FTO: variants seen among roughly 807,000 people sequenced by gnomAD.
FTO encodes alpha-ketoglutarate-dependent dioxygenase FTO.
A neutral mutation model predicts 63.9 loss-of-function variants in FTO; 47 were observed. That is an observed-to-expected ratio of 0.74 (90% confidence interval 0.58 to 0.94). The LOEUF is 0.94. Among genes scored for constraint, FTO ranks in the 40% least tolerant of loss-of-function variants. The pLI is 0.00. For missense variants in FTO, 562 were observed against 618.1 expected, an observed-to-expected ratio of 0.91 and a Z score of 0.96; for synonymous variants, 207 against 224.4, an observed-to-expected ratio of 0.92 and a Z score of 0.69.
chr16:54,059,421 A>G (rs1335972179), intron 8 of FTO, among the ~76,000 whole-genome samples: 2 of 152,168 alleles, frequency 1.3e-5, no homozygotes, highest in South Asian at 2.1e-4. Context: ...TAAAAATGTC[A>G]TATATCATCC....
chr16:54,055,185 C>T (rs2085403158), intron 8 of FTO, among the ~76,000 whole-genome samples: 1 of 152,184 alleles, frequency 6.6e-6, no homozygotes, highest in African/African-American at 2.4e-5. Context: ...AACTGGTGCT[C>T]TGATATACTG....
intron 4 of FTO, among the ~76,000 whole-genome samples, chr16:53,862,771 C>T (rs1794235258): frequency 6.6e-6 from 1 of 152,114 alleles, no homozygotes; most frequent in African/African-American, 2.4e-5. Flanking sequence ...GAACTCCTGA[C>T]TGGCCTTAAG....
chr16:53,905,879 G>T (rs1353669147), intron 7 of FTO, among the ~76,000 whole-genome samples: 1 of 151,944 alleles, frequency 6.6e-6, no homozygotes, highest in East Asian at 1.9e-4. Context: ...TTATGCTAGT[G>T]GTGCTTTGTT....
intron 5 of FTO, among the ~76,000 whole-genome samples, chr16:53,876,134 G>A (rs996411464): frequency 6.6e-6 from 1 of 152,156 alleles, no homozygotes; most frequent in Admixed American, 6.5e-5. Context: ...AATACCTAAA[G>A]GTATACAGTT....
At chr16:53,762,166 A>G (rs1166252254) in intron 1 of FTO, among the ~76,000 whole-genome samples, 2 of 152,312 alleles carry the variant, frequency 1.3e-5, no homozygotes, top group Non-Finnish European at 1.5e-5. Context: ...CCTGTTTCAC[A>G]GTGGATTTGC....
intron 8 of FTO, among the ~76,000 whole-genome samples, chr16:54,060,534 A>G (rs2085544950): frequency 6.6e-6 from 1 of 152,190 alleles, no homozygotes; most frequent in African/African-American, 2.4e-5. Flanking sequence ...AACAACTAGG[A>G]AGTAGTGCTG....
intron 8 of FTO, among the ~76,000 whole-genome samples, chr16:54,088,345 G>T (rs1363639441): frequency 6.6e-6 from 1 of 152,090 alleles, no homozygotes; most frequent in Non-Finnish European, 1.5e-5. Context: ...CTGTAATTTA[G>T]TATCATTCCT....
chr16:53,802,106 C>T (rs549800107), intron 1 of FTO, among the ~76,000 whole-genome samples: 18 of 152,038 alleles, frequency 1.2e-4, no homozygotes, highest in Non-Finnish European at 2.5e-4. Flanking sequence ...TACATAGTAC[C>T]TTCATCTCTT....
intron 8 of FTO, chr16:54,071,304 A>G (rs1353351797): frequency 1.3e-5 from 2 of 152,224 alleles, no homozygotes; most frequent in African/African-American, 4.8e-5. Context: ...TGAGTAACCC[A>G]AAAAGCAGAG....
chr16:53,829,520 G>C (rs1192048586), intron 3 of FTO, among the ~76,000 whole-genome samples: 1 of 152,236 alleles, frequency 6.6e-6, no homozygotes, highest in Non-Finnish European at 1.5e-5. Flanking sequence ...TAGTTTTCTG[G>C]TCTTATAATC....
chr16:53,835,351 T>A (rs2079259325), intron 3 of FTO, among the ~76,000 whole-genome samples: 1 of 152,190 alleles, frequency 6.6e-6, no homozygotes. Flanking sequence ...ACTGTTTTCT[T>A]ATTTTGGTGG....
intron 6 of FTO, among the ~76,000 whole-genome samples, chr16:53,886,695 T>C (rs72807785): frequency 0.12 from 18,005 of 152,316 alleles, 1,301 homozygotes; most frequent in South Asian, 0.27. Flanking sequence ...ATTTAGTTAA[T>C]GTAAACTAAA....
At chr16:53,908,794 C>T (rs927518879) in intron 7 of FTO, among the ~76,000 whole-genome samples, 6 of 152,118 alleles carry the variant, frequency 3.9e-5, no homozygotes, top group Admixed American at 2.0e-4. Flanking sequence ...CCTTGGCCCA[C>T]GTACAAGAAT....
intron 4 of FTO, among the ~76,000 whole-genome samples, chr16:53,866,156 T>A (rs1800438018): frequency 6.6e-6 from 1 of 152,224 alleles, no homozygotes; most frequent in African/African-American, 2.4e-5. Context: ...GGTATGATCA[T>A]ATTTTTTTTC....
At chr16:54,021,315 C>G (rs759377260) in intron 8 of FTO, among the ~76,000 whole-genome samples, 2 of 152,094 alleles carry the variant, frequency 1.3e-5, no homozygotes, top group Non-Finnish European at 2.9e-5. Context: ...ATCCATGGAT[C>G]AACACATTTG....
intron 3 of FTO, among the ~76,000 whole-genome samples, chr16:53,829,647 A>G (rs2079093916): frequency 6.6e-6 from 1 of 152,066 alleles, no homozygotes; most frequent in Non-Finnish European, 1.5e-5. Context: ...CACTTCAGAG[A>G]ATTGTATTTT....
rs556357629 is a variant in FTO, at chr16:53,815,636, G to GTTTT, written c.123+5446_123+5449dup. Among the ~76,000 whole-genome samples, 138 of 98,138 alleles carry GTTTT rather than the reference G, an allele frequency of 1.4e-3. 9 individuals are homozygous for GTTTT. Among genetic ancestry groups the GTTTT allele is most frequent in the African/African-American group, 1.9e-3 (36 of 18,538 alleles). The allele number at this position is 98,138 out of a possible 152,430, so 64.4% of individuals were successfully genotyped here. ...ACCCTATAAGGCCATTGACTTTCTT[G>GTTTT]TTTTTTTTTTTTTTTTTTTTTTTTT... On this transcript the variant is annotated intron_variant, in intron 2 of 8. Transcript: ENST00000471389.
intron 8 of FTO, among the ~76,000 whole-genome samples, chr16:54,036,386 A>G (rs999163352): frequency 1.1e-4 from 16 of 152,128 alleles, no homozygotes; most frequent in African/African-American, 3.9e-4. Context: ...ACCAATTCCC[A>G]TTTCTTGGGC....
chr16:54,039,399 A>C (rs1371108177), intron 8 of FTO: 2 of 152,264 alleles, frequency 1.3e-5, no homozygotes, highest in Non-Finnish European at 2.9e-5. Flanking sequence ...TTCTGCAAGA[A>C]GCTATAGAGA....
Sources: allele counts gnomAD v4.1 joint callset (sites outside exome capture counted in the v4.1 genomes callset), GRCh38; gene constraint gnomAD v4.1.1; transcripts MANE v1.5; gene names NCBI Gene and HGNC (gene_info 2026-07-23, HGNC 2026-07-21).